The following EPB41L2 variants were observed in gnomAD, a reference collection of about 807,000 sequenced individuals.
EPB41L2 encodes band 4.1-like protein 2.
A neutral mutation model predicts 113.0 loss-of-function variants in EPB41L2; 43 were observed. The observed-to-expected ratio is 0.38, with a 90% CI of 0.30 to 0.49. The LOEUF is 0.49. Ranked by LOEUF, EPB41L2 falls within the 20% of genes least tolerant of loss-of-function variation. EPB41L2 has a pLI of 0.95. For synonymous variants in EPB41L2, 442 were observed against 436.7 expected, an observed-to-expected ratio of 1.01 and a Z score of -0.15; for missense variants, 1,147 against 1,223.4, an observed-to-expected ratio of 0.94 and a Z score of 0.93.
At chr6:130,843,981 T>C (rs1196130115) in intron 19 of EPB41L2, among the ~76,000 whole-genome samples, 1 of 152,204 alleles carries the variant, frequency 6.6e-6, no homozygotes, top group Non-Finnish European at 1.5e-5. Flanking sequence ...TTTGAGTTTC[T>C]AGAGACAAAG....
At chr6:131,040,081 C>G (rs1037986863) in intron 1 of EPB41L2, among the ~76,000 whole-genome samples, 1 of 152,152 alleles carries the variant, frequency 6.6e-6, no homozygotes, top group South Asian at 2.1e-4. Flanking sequence ...TGCAAGAGTT[C>G]TAGAGACTGG....
intron 18 of EPB41L2, among the ~76,000 whole-genome samples, chr6:130,861,203 G>C (rs1316585700): frequency 6.6e-6 from 1 of 151,808 alleles, no homozygotes; most frequent in Non-Finnish European, 1.5e-5. Flanking sequence ...CTCCCAAGTA[G>C]CTGCAACTAC....
intron 13 of EPB41L2, among the ~76,000 whole-genome samples, chr6:130,878,797 T>C (rs1788380359): frequency 6.6e-6 from 1 of 152,202 alleles, no homozygotes; most frequent in Non-Finnish European, 1.5e-5. Flanking sequence ...TTTTTGTTTG[T>C]TTGTTTGTTT....
At chr6:130,858,095 C>T in intron 19 of EPB41L2, 36 bp downstream of exon 19, 2 of 1,495,030 alleles carry the variant, frequency 1.3e-6, no homozygotes, top group Non-Finnish European at 1.9e-6. Flanking sequence ...ACAGAGCAGT[C>T]ACTAGAAAGG....
At chr6:130,926,859 T>C in intron 3 of EPB41L2, 150 bp from the exon 4 acceptor site, 1 of 575,172 alleles carries the variant, frequency 1.7e-6, no homozygotes. Context: ...GTGATTAATT[T>C]TTTAACTTTA....
intron 1 of EPB41L2, chr6:130,978,889 A>C (rs1778740058): frequency 6.6e-6 from 1 of 152,230 alleles, no homozygotes; most frequent in South Asian, 2.1e-4. Flanking sequence ...GATAAGAAGG[A>C]GCTTACTGGG....
chr6:130,964,491 G>GC (rs1774488929), intron 1 of EPB41L2, among the ~76,000 whole-genome samples: 1 of 56,872 alleles, frequency 1.8e-5, no homozygotes, highest in Non-Finnish European at 3.1e-5. Context: ...TTCCTCATAA[G>GC]CAAAAAAAAA....
chr6:131,004,209 T>C (rs1189186422), intron 1 of EPB41L2, among the ~76,000 whole-genome samples: 4 of 152,070 alleles, frequency 2.6e-5, no homozygotes, highest in Non-Finnish European at 5.9e-5. Flanking sequence ...GAACTATACA[T>C]ACTCCCAACA....
chr6:130,900,536 C>A (rs1796000123), intron 7 of EPB41L2, among the ~76,000 whole-genome samples: 1 of 152,304 alleles, frequency 6.6e-6, no homozygotes, highest in Non-Finnish European at 1.5e-5. Flanking sequence ...ACGTCCATCA[C>A]CACCTACACT....
At chr6:130,910,878 G>C (rs1799166832) in intron 4 of EPB41L2, among the ~76,000 whole-genome samples, 1 of 152,202 alleles carries the variant, frequency 6.6e-6, no homozygotes, top group Non-Finnish European at 1.5e-5. Context: ...GAAAACAACA[G>C]ATGCTGGAGA....
intron 1 of EPB41L2, among the ~76,000 whole-genome samples, chr6:130,983,668 AC>A (rs1236007945): frequency 6.6e-6 from 1 of 151,962 alleles, no homozygotes; most frequent in East Asian, 1.9e-4. Context: ...AGCTGGGACT[AC>A]AGGCACACAC....
intron 8 of EPB41L2, among the ~76,000 whole-genome samples, chr6:130,898,286 T>TG (rs1583214462): frequency 6.6e-6 from 1 of 152,120 alleles, no homozygotes; most frequent in East Asian, 1.9e-4. Flanking sequence ...TTTGTAAATA[T>TG]GAAGTATGAT....
intron 14 of EPB41L2, among the ~76,000 whole-genome samples, chr6:130,876,138 A>T (rs1226021494): frequency 6.6e-6 from 1 of 152,226 alleles, no homozygotes; most frequent in African/African-American, 2.4e-5. Flanking sequence ...ATGAGGATGT[A>T]AAAGCAATGG....
chr6:130,906,511 C>T (rs965574591), intron 5 of EPB41L2, among the ~76,000 whole-genome samples: 2 of 152,266 alleles, frequency 1.3e-5, no homozygotes, highest in Non-Finnish European at 2.9e-5. Flanking sequence ...AATTTGATTA[C>T]ATATTATCAT....
rs370892099 is a variant in EPB41L2 at position 130,980,394 on chromosome 6, G to C, written c.-14-23895C>G. On this transcript the variant is annotated intron_variant, in intron 1 of 19. Transcript: ENST00000337057. ...ACACAAAGTAGAAAGAAAGGAAAATGAATGGCATGTAGTTCAAAAAAGATG... is the reference window on the plus strand; with the variant it reads ...ACACAAAGTAGAAAGAAAGGAAAATCAATGGCATGTAGTTCAAAAAAGATG... Among the ~76,000 whole-genome samples, 9 of 152,102 alleles carry C rather than the reference G, an allele frequency of 5.9e-5. No individual in the cohort carries two copies. In the East Asian group the frequency reaches 1.3e-3, roughly 23 times the overall value.
chr6:130,983,735 T>C (rs1177039995), intron 1 of EPB41L2, among the ~76,000 whole-genome samples: 2 of 151,946 alleles, frequency 1.3e-5, no homozygotes, highest in African/African-American at 4.8e-5. Flanking sequence ...CACCATGTTG[T>C]GCAGGCTGGT....
chr6:130,839,519 C>CA lies in EPB41L2; in HGVS notation c.*1084dup, dbSNP rs1774905241. On this transcript the variant is annotated 3_prime_UTR_variant, in exon 20 of 20. Transcript: ENST00000337057. The stretch of plus-strand genomic sequence containing the variant: ...TAAGTCCCTATCGGGTCTCTGGTGC[C>CA]AGCTTTAAATGGTATAACTTTCTTG... The CA allele has an allele frequency of 6.6e-6, 1 of 152,068 alleles. No homozygotes were observed. Among genetic ancestry groups the CA allele is most frequent in the African/African-American group, 2.4e-5 (1 of 41,402 alleles). The allele number at this position is 152,068 out of a possible 1,614,324, so 9.4% of individuals were successfully genotyped here.
At chr6:130,970,084 C>A (rs1174044501) in intron 1 of EPB41L2, among the ~76,000 whole-genome samples, 1 of 152,124 alleles carries the variant, frequency 6.6e-6, no homozygotes, top group Non-Finnish European at 1.5e-5. Flanking sequence ...AATATCACAA[C>A]ATATTCCCTT....
In EPB41L2 at chr6:131,002,380, A is replaced by G. The variant is rs773159027; in HGVS notation, c.-14-45881T>C. Among the ~76,000 whole-genome samples, 17 of 152,200 alleles carry G rather than the reference A, an allele frequency of 1.1e-4. 1 individual carries two copies. The highest frequency in any genetic ancestry group is 2.5e-4 in the Non-Finnish European group (17 of 68,040). On this transcript the variant is annotated intron_variant, in intron 1 of 19. Coordinates refer to ENST00000337057, the MANE Select transcript of EPB41L2 (RefSeq NM_001431.4). ...GAAGAAAGAAGGGGAATGGCAATAC[A>G]ACAGCCTTGTCCCTGAGGAGCTGAT...
Sources: gnomAD v4.1 joint callset for allele counts (sites outside exome capture counted in the v4.1 genomes callset) on GRCh38, gnomAD v4.1.1 for gene constraint, MANE v1.5 for transcripts, NCBI Gene and HGNC (gene_info 2026-07-23, HGNC 2026-07-21) for gene names.